The following DLG2 variants were observed in gnomAD, a reference collection of about 807,000 sequenced individuals.
DLG2 encodes discs large MAGUK scaffold protein 2.
A neutral mutation model predicts 132.5 loss-of-function variants in DLG2; 45 were observed. The observed-to-expected ratio is 0.34, with a 90% CI of 0.27 to 0.44. The LOEUF is 0.44. DLG2 is among the 20% of genes least tolerant of loss of function. The pLI is 1.00. For missense variants in DLG2, 1,045 were observed against 1,196.9 expected, an observed-to-expected ratio of 0.87 and a Z score of 1.87; for synonymous variants, 424 against 419.6, an observed-to-expected ratio of 1.01 and a Z score of -0.13.
intron 14 of DLG2, among the ~76,000 whole-genome samples, chr11:83,952,023 A>G (rs1247955976): frequency 2.0e-5 from 3 of 152,160 alleles, no homozygotes; most frequent in Non-Finnish European, 4.4e-5. Context: ...CCTGAGCAAC[A>G]GCTCCCATAG....
chr11:85,157,793 G>A (rs2077696396), intron 4 of DLG2, among the ~76,000 whole-genome samples: 1 of 152,146 alleles, frequency 6.6e-6, no homozygotes, highest in African/African-American at 2.4e-5. Flanking sequence ...AACTTGGAAT[G>A]GCAATGTTTG....
chr11:85,095,937 T>C (rs1183777018), intron 6 of DLG2, among the ~76,000 whole-genome samples: 1 of 152,186 alleles, frequency 6.6e-6, no homozygotes. Context: ...CAGCTGAGCT[T>C]CTGGGTCAGG....
At chr11:84,233,403 A>G (rs1490475261) in intron 8 of DLG2, among the ~76,000 whole-genome samples, 1 of 152,202 alleles carries the variant, frequency 6.6e-6, no homozygotes, top group African/African-American at 2.4e-5. Flanking sequence ...CAAGCTGAAA[A>G]CATAAATAAG....
Position 83,911,109 on chromosome 11 carries a change from A to G in DLG2, c.1496+19219T>C, listed in dbSNP as rs564608302. 5.9e-5 allele frequency among the ~76,000 whole-genome samples: 9 copies of G among 152,270 alleles called. No homozygotes were observed. The South Asian group carries it at 1.9e-3, about 31-fold the overall frequency. ...GCTCAAGAAAAAAAGTGATGTAAAT[A>G]ATAAATACTTGAGCTAGATTTTCTT... On this transcript the variant is annotated intron_variant, in intron 15 of 27. Transcript: ENST00000376104.
At chr11:85,025,128 T>C (rs1460347669) in intron 6 of DLG2, among the ~76,000 whole-genome samples, 1 of 152,238 alleles carries the variant, frequency 6.6e-6, no homozygotes, top group Non-Finnish European at 1.5e-5. Context: ...ACGTATTCTA[T>C]AATTGTAGAT....
chr11:84,495,257 G>C (rs529430229), intron 7 of DLG2, among the ~76,000 whole-genome samples: 1 of 152,146 alleles, frequency 6.6e-6, no homozygotes, highest in East Asian at 1.9e-4. Context: ...GTGCTTTGGG[G>C]TTCCTGTGCC....
chr11:84,407,218 C>A (rs1027656337), intron 7 of DLG2, among the ~76,000 whole-genome samples: 1 of 152,084 alleles, frequency 6.6e-6, no homozygotes, highest in Non-Finnish European at 1.5e-5. Context: ...AAGTCTGTCT[C>A]GCTTTTGTTT....
intron 11 of DLG2, among the ~76,000 whole-genome samples, chr11:83,996,267 A>G (rs548846777): frequency 3.3e-5 from 5 of 152,316 alleles, no homozygotes; most frequent in East Asian, 1.9e-4. Flanking sequence ...CAAAGCTACA[A>G]TGAAATATCA....
intron 18 of DLG2, among the ~76,000 whole-genome samples, chr11:83,634,356 C>T (rs890701080): frequency 1.3e-5 from 2 of 152,100 alleles, no homozygotes; most frequent in African/African-American, 2.4e-5. Context: ...ACACAATGAA[C>T]ATGTAAAAAG....
chr11:83,833,498 C>A (rs1283359568), intron 17 of DLG2, 116 bp downstream of exon 17: 6 of 1,112,020 alleles, frequency 5.4e-6, no homozygotes, highest in Non-Finnish European at 7.7e-6. Flanking sequence ...AGTCGTGATG[C>A]TCTCATCCAC....
intron 3 of DLG2, among the ~76,000 whole-genome samples, chr11:85,458,403 T>A (rs921682347): frequency 6.6e-6 from 1 of 152,242 alleles, no homozygotes; most frequent in Non-Finnish European, 1.5e-5. Context: ...ATGATCTTCA[T>A]TCCTATCCAT....
In DLG2 at chr11:83,675,641, A is replaced by G. The variant is rs192503612; in HGVS notation, c.1826-42316T>C. Among the ~76,000 whole-genome samples the G allele has an allele frequency of 9.2e-5, 14 of 152,300 alleles. No individual in the cohort carries two copies. The East Asian group carries it at 2.5e-3, about 27-fold the overall frequency. ...TGACTGTGGTTTAGCTTATAATTCA[A>G]CGGTCATTTTTCAACAACAAATTTT... On this transcript the variant is annotated intron_variant, in intron 18 of 27. Transcript: ENST00000376104.
In DLG2 at chr11:84,992,977, T is replaced by C. The variant is rs530691277; in HGVS notation, c.357+118684A>G. 1.3e-3 allele frequency among the ~76,000 whole-genome samples: 205 copies of C among 152,280 alleles called. 1 individual carries two copies. The highest frequency in any genetic ancestry group is 4.7e-3 in the African/African-American group (196 of 41,552). On this transcript the variant is annotated intron_variant, in intron 6 of 27. Coordinates refer to ENST00000376104, the MANE Select transcript of DLG2 (RefSeq NM_001142699.3). ...TCCACTGTACAGACACCTGCACACA[T>C]ATATTTATTGCAGCACTACATACAA...
chr11:85,026,027 A>T (rs549462825), intron 6 of DLG2, among the ~76,000 whole-genome samples: 2 of 152,210 alleles, frequency 1.3e-5, no homozygotes, highest in Admixed American at 1.3e-4. Context: ...TTTCAAAAAA[A>T]TTTTGAAGTT....
chr11:84,505,203 G>A (rs1483958532), intron 7 of DLG2, among the ~76,000 whole-genome samples: 3 of 152,006 alleles, frequency 2.0e-5, no homozygotes, highest in East Asian at 3.9e-4. Flanking sequence ...AATGGTAGGC[G>A]ACCCTTCCCA....
intron 9 of DLG2, among the ~76,000 whole-genome samples, chr11:84,135,110 T>A (rs1264928995): frequency 2.0e-5 from 3 of 152,010 alleles, no homozygotes; most frequent in Non-Finnish European, 4.4e-5. Flanking sequence ...TTTCTGAGAG[T>A]AAGAATTTTT....
At chr11:83,853,658 T>TGG (rs2060105904) in intron 16 of DLG2, among the ~76,000 whole-genome samples, 3 of 152,190 alleles carry the variant, frequency 2.0e-5, no homozygotes, top group Admixed American at 2.0e-4. Context: ...TAGTGTCTGA[T>TGG]ATCTAAAAAG....
chr11:83,506,484 A>C (rs1182656502), intron 21 of DLG2, among the ~76,000 whole-genome samples: 4 of 152,206 alleles, frequency 2.6e-5, no homozygotes, highest in Admixed American at 2.0e-4. Context: ...GGCACCAGCC[A>C]GAAGTTTAGT....
chr11:84,513,779 C>CAA (rs921326376), intron 7 of DLG2, among the ~76,000 whole-genome samples: 1 of 145,442 alleles, frequency 6.9e-6, no homozygotes, highest in African/African-American at 2.5e-5. Flanking sequence ...CCAGGCCCCC[C>CAA]AAAAAAAAAA....
Sources: gnomAD v4.1 joint callset for allele counts (sites outside exome capture counted in the v4.1 genomes callset) on GRCh38, gnomAD v4.1.1 for gene constraint, MANE v1.5 for transcripts, NCBI Gene and HGNC (gene_info 2026-07-23, HGNC 2026-07-21) for gene names.